PSMD11: variants seen among roughly 807,000 people sequenced by gnomAD.
PSMD11 encodes proteasome 26S subunit, non-ATPase 11, also known as 26S proteasome non-ATPase regulatory subunit 11.
In PSMD11, 5 loss-of-function variants were observed where a neutral mutation model predicts 62.3. That is an observed-to-expected ratio of 0.08 (90% CI 0.04 to 0.17). PSMD11 has a LOEUF of 0.17. Among genes scored for constraint, PSMD11 ranks in the 10% least tolerant of loss-of-function variants. The pLI, the probability that PSMD11 is intolerant of heterozygous loss-of-function variation, is 1.00. For missense variants in PSMD11, 310 were observed against 512.9 expected (o/e 0.60, Z 3.82); for synonymous variants, 191 against 191.8 (o/e 1.00, Z 0.03).
chr17:32,458,505 C>A (rs562978088), intron 3 of PSMD11, among the ~76,000 whole-genome samples: 1 of 152,212 alleles, frequency 6.6e-6, no homozygotes, highest in Non-Finnish European at 1.5e-5. Context: ...GTGGTTTTAA[C>A]TCTTTCAGTG....
chr17:32,479,190 G>A, intron 9 of PSMD11, 61 bp from the exon 10 acceptor site: 2 of 1,590,096 alleles, frequency 1.3e-6, no homozygotes, highest in Non-Finnish European at 1.7e-6. Context: ...CTAGGAAGCA[G>A]GAGTAGCATG....
intron 3 of PSMD11, 110 bp from the exon 4 acceptor site, chr17:32,463,939 G>C: frequency 1.0e-6 from 1 of 996,744 alleles, no homozygotes; most frequent in Non-Finnish European, 1.6e-6. Flanking sequence ...ACACTAAATA[G>C]AGCAACATGG....
At chr17:32,449,237 T>G (rs746212558) in intron 2 of PSMD11, among the ~76,000 whole-genome samples, 30 of 152,112 alleles carry the variant, frequency 2.0e-4, no homozygotes, top group Non-Finnish European at 4.3e-4. Context: ...AGACCCTGTC[T>G]CTACAAAAAA....
chr17:32,450,926 C>T (rs1465938157), intron 2 of PSMD11, among the ~76,000 whole-genome samples: 2 of 150,592 alleles, frequency 1.3e-5, no homozygotes, highest in Non-Finnish European at 3.0e-5. Flanking sequence ...TTTAAAGCAG[C>T]ATGGGTAACA....
At position 32,482,970 on chromosome 17, in the gene PSMD11, C is replaced by G. The variant is rs1231747921; in HGVS notation, c.*2218C>G. The stretch of plus-strand genomic sequence containing the variant: ...TCTATAAAGGACTTTAAAAAGTACT[C>G]CAAAGAGATCTAGTTTTGGAGTAGA... On this transcript the variant is annotated 3_prime_UTR_variant, in exon 14 of 14. Transcript: ENST00000261712. The G allele has an allele frequency of 6.6e-6, 1 of 152,184 alleles. No individual in the cohort carries two copies. The highest frequency in any genetic ancestry group is 6.5e-5 in the Admixed American group (1 of 15,280). 9.4% of individuals were successfully genotyped at this position (152,184 alleles called of 1,614,324 possible). A position where few individuals can be genotyped will look rare whatever the true frequency, so the allele number is the denominator to read the frequency against.
At chr17:32,473,097 G>A (rs947302564) in intron 6 of PSMD11, among the ~76,000 whole-genome samples, 3 of 150,650 alleles carry the variant, frequency 2.0e-5, no homozygotes, top group Non-Finnish European at 3.0e-5. Context: ...GGCGGAGGTT[G>A]CCGTGAGCTG....
At chr17:32,447,381 A>AT (rs1208311243) in intron 2 of PSMD11, 2 of 171,094 alleles carry the variant, frequency 1.2e-5, no homozygotes, top group African/African-American at 4.7e-5. Flanking sequence ...TTTAAGATAG[A>AT]TAACAACTTT....
intron 1 of PSMD11, among the ~76,000 whole-genome samples, chr17:32,446,667 T>C (rs984274265): frequency 1.1e-4 from 17 of 152,308 alleles, no homozygotes; most frequent in African/African-American, 2.9e-4. Flanking sequence ...AACAGAAACT[T>C]AGTGTATGTA....
At chr17:32,452,732 T>C (rs1426128105) in intron 2 of PSMD11, among the ~76,000 whole-genome samples, 1 of 152,246 alleles carries the variant, frequency 6.6e-6, no homozygotes, top group Non-Finnish European at 1.5e-5. Context: ...ACATGCTATC[T>C]TGTGTTACAT....
rs752803513 is a variant in PSMD11 at position 32,483,225 on chromosome 17, A to G, written c.*2473A>G. Reference sequence around the variant, plus strand: ...ACTTCGAAGGCTTAGTATGATAACAAAAGAAAAGGAGTGTAAAATATGTCA... The same window carrying G: ...ACTTCGAAGGCTTAGTATGATAACAGAAGAAAAGGAGTGTAAAATATGTCA... On this transcript the variant is annotated 3_prime_UTR_variant, in exon 14 of 14. Coordinates refer to ENST00000261712, the MANE Select transcript of PSMD11 (RefSeq NM_002815.4). 3 of 149,874 alleles carry G rather than the reference A, an allele frequency of 2.0e-5. No individual in the cohort carries two copies. The highest frequency in any genetic ancestry group is 3.0e-5 in the Non-Finnish European group (2 of 66,590). 9.3% of individuals were successfully genotyped at this position (149,874 alleles called of 1,614,324 possible).
At chr17:32,479,592 C>T in intron 10 of PSMD11, 1 of 724,328 alleles carries the variant, frequency 1.4e-6, no homozygotes, top group Non-Finnish European at 2.2e-6. Context: ...GTGTTCTGAG[C>T]AGTTTCCTCC....
chr17:32,463,822 C>G (rs983661076), intron 3 of PSMD11, among the ~76,000 whole-genome samples: 3 of 152,162 alleles, frequency 2.0e-5, no homozygotes. Context: ...AGATAGAGCT[C>G]TTTTCCTAAA....
chr17:32,471,250 A>G (rs934892860), intron 6 of PSMD11, among the ~76,000 whole-genome samples: 47 of 152,224 alleles, frequency 3.1e-4, no homozygotes, highest in Non-Finnish European at 1.5e-5. Context: ...AAGTGATAGC[A>G]TAGGTTGGCA....
At position 32,482,633 on chromosome 17, in the gene PSMD11, G is replaced by A. The variant is rs1442620571; in HGVS notation, c.*1881G>A. On this transcript the variant is annotated 3_prime_UTR_variant, in exon 14 of 14. Transcript: ENST00000261712. ...GGTCCAGTGAGCACATGTAAGTTTG[G>A]GCAGTAGATCCTCTGAGCCTACTTT... is the stretch of plus-strand genomic sequence containing the variant. 1 of 152,240 alleles carries A rather than the reference G, an allele frequency of 6.6e-6. No individual in the cohort carries two copies. 9.4% of individuals were successfully genotyped at this position (152,240 alleles called of 1,614,324 possible). A position where few individuals can be genotyped will look rare whatever the true frequency, so the allele number is the denominator to read the frequency against.
At chr17:32,462,766 A>C (rs898408072) in intron 3 of PSMD11, among the ~76,000 whole-genome samples, 4 of 151,968 alleles carry the variant, frequency 2.6e-5, no homozygotes, top group Non-Finnish European at 4.4e-5. Context: ...GGCTCACCGC[A>C]ACCTCCACCT....
chr17:32,474,071 G>A (rs1009769695), intron 7 of PSMD11, 126 bp downstream of exon 7: 1 of 1,170,634 alleles, frequency 8.5e-7, no homozygotes, highest in African/African-American at 1.5e-5. Flanking sequence ...CGGCCTCTAG[G>A]GCTGGCTAAG....
At chr17:32,467,540 C>G (rs1405628358) in intron 5 of PSMD11, among the ~76,000 whole-genome samples, 1 of 152,218 alleles carries the variant, frequency 6.6e-6, no homozygotes, top group Non-Finnish European at 1.5e-5. Flanking sequence ...GCCACTGCGC[C>G]CGGCCTCCTT....
Position 32,446,959 on chromosome 17 carries a change from C to G in PSMD11, c.106C>G (p.Gln36Glu), listed in dbSNP as rs1434949756. 5.0e-6 allele frequency: 8 copies of G among 1,610,792 alleles called. No individual in the cohort carries two copies. The Admixed American group carries it at 1.3e-4, about 27-fold the overall frequency. Residue 36 changes from glutamine (Q) to glutamate (E), a missense_variant, in exon 2 of 14, where the codon CAG (glutamine) becomes GAG (glutamate). Physicochemically the swap from Gln to Glu is conservative, Grantham distance 29. This residue lies in a region of PSMD11 where 50 missense variants were observed against 94.4 expected (regional missense o/e 0.53). Coordinates refer to ENST00000261712, the MANE Select transcript of PSMD11 (RefSeq NM_002815.4). ...ILHSIVKRDI[Q>E]ENDEEAVQVK... ...TCCTCTCCCAGTGAAGCGTGACATT[C>G]AGGAAAACGATGAAGAGGCAGTGCA...
At position 32,480,854 on chromosome 17, in the gene PSMD11, G is replaced by A. The variant is rs991748385; in HGVS notation, c.*102G>A. ...CTTTTTTCTTTTTGTTCTACTTTTCGCTCGGAAAGTTTTTAAATCCTCATT... is the reference window on the plus strand; with the variant it reads ...CTTTTTTCTTTTTGTTCTACTTTTCACTCGGAAAGTTTTTAAATCCTCATT... On this transcript the variant is annotated 3_prime_UTR_variant, in exon 14 of 14. Coordinates refer to ENST00000261712, the MANE Select transcript of PSMD11 (RefSeq NM_002815.4). 7 of 481,228 alleles carry A rather than the reference G, an allele frequency of 1.5e-5. No homozygotes were observed. The highest frequency in any genetic ancestry group is 3.9e-5 in the African/African-American group (2 of 50,920). 29.8% of individuals were successfully genotyped at this position (481,228 alleles called of 1,614,324 possible).
Sources: gnomAD v4.1 joint callset for allele counts (sites outside exome capture counted in the v4.1 genomes callset) on GRCh38, gnomAD v4.1.1 for gene constraint, gnomAD v4.1.1 regional missense constraint, MANE v1.5 for transcripts, NCBI Gene and HGNC (gene_info 2026-07-23, HGNC 2026-07-21) for gene names.